TNFSF8: variants seen among roughly 807,000 people sequenced by gnomAD.
TNFSF8 encodes the protein tumor necrosis factor ligand superfamily member 8.
A neutral mutation model predicts 22.0 loss-of-function variants in TNFSF8; 4 were observed. The ratio of observed to expected loss-of-function variants is 0.18; its 90% CI spans 0.09 to 0.42. The LOEUF (loss-of-function observed/expected upper bound fraction) is 0.42, where lower values mean the gene tolerates loss of function less well. Ranked by LOEUF, TNFSF8 falls within the 10% of genes least tolerant of loss-of-function variation. TNFSF8 has a pLI of 1.00. For synonymous variants in TNFSF8, 106 were observed against 112.5 expected, an observed-to-expected ratio of 0.94 and a Z score of 0.37; for missense variants, 233 against 281.8, an observed-to-expected ratio of 0.83 and a Z score of 1.24.
chr9:114,918,066 A>G (rs1422174174), intron 2 of TNFSF8, 30 bp downstream of exon 2: 1 of 1,582,250 alleles, frequency 6.3e-7, no homozygotes, highest in Non-Finnish European at 8.6e-7. Context: ...ATGACTTACT[A>G]CACATTTACA....
chr9:114,918,511 A>G (rs886449555), intron 1 of TNFSF8, among the ~76,000 whole-genome samples: 2 of 150,766 alleles, frequency 1.3e-5, no homozygotes, highest in African/African-American at 4.9e-5. Context: ...GTGCAGTGGT[A>G]TGATCATGGG....
chr9:114,916,903 A>T (rs955182138), intron 2 of TNFSF8, among the ~76,000 whole-genome samples: 2 of 152,208 alleles, frequency 1.3e-5, no homozygotes, highest in Non-Finnish European at 2.9e-5. Flanking sequence ...TTTTAATATT[A>T]ATGTGACTGT....
intron 2 of TNFSF8, among the ~76,000 whole-genome samples, chr9:114,907,929 G>C (rs906554595): frequency 6.6e-6 from 1 of 152,186 alleles, no homozygotes; most frequent in African/African-American, 2.4e-5. Context: ...CCAAACTCAG[G>C]CTGCCTGACC....
At chr9:114,919,292 T>C (rs1296072788) in intron 1 of TNFSF8, among the ~76,000 whole-genome samples, 1 of 152,096 alleles carries the variant, frequency 6.6e-6, no homozygotes, top group Non-Finnish European at 1.5e-5. Context: ...ATATTATTTA[T>C]TCTGTAATAA....
chr9:114,893,427 T>A (rs10435870), exon 5 of TNFSF8: 14,835 of 152,686 alleles, frequency 0.097, 852 homozygotes, highest in Admixed American at 0.16. Context: ...AGTATAGTTC[T>A]AGACAAGAAA....
At chr9:114,898,852 C>A (rs766756754), downstream of TNFSF8, among the ~76,000 whole-genome samples, 3 of 152,122 alleles carry the variant, frequency 2.0e-5, no homozygotes. Context: ...CTCCTAGGAA[C>A]TGGGCTGCTA....
chr9:114,905,647 C>T (rs899832982), intron 3 of TNFSF8, among the ~76,000 whole-genome samples, 181 bp downstream of exon 3: 5 of 152,204 alleles, frequency 3.3e-5, no homozygotes, highest in Non-Finnish European at 7.3e-5. Flanking sequence ...TGGAGAATGA[C>T]GCTCTCCCCG....
intron 2 of TNFSF8, among the ~76,000 whole-genome samples, chr9:114,914,261 A>G (rs10982449): frequency 0.36 from 54,815 of 152,080 alleles, 10,418 homozygotes; most frequent in Admixed American, 0.45. Flanking sequence ...GAGGGACCTA[A>G]TATTCAATTC....
downstream of TNFSF8, among the ~76,000 whole-genome samples, chr9:114,898,237 C>T (rs1827677396): frequency 6.6e-6 from 1 of 152,124 alleles, no homozygotes; most frequent in Non-Finnish European, 1.5e-5. Flanking sequence ...CTCCTGATCT[C>T]ATGATCCGCC....
rs6478120 is a variant in TNFSF8, at chr9:114,929,893, A to T, written c.195+216T>A. Among the ~76,000 whole-genome samples, 83 of 140,848 alleles carry T rather than the reference A, an allele frequency of 5.9e-4. No homozygotes were observed. The East Asian group carries it at 9.3e-3, about 16-fold the overall frequency. 92.4% of individuals were successfully genotyped at this position (140,848 alleles called of 152,430 possible). On this transcript the variant is annotated intron_variant, in intron 1 of 3. Coordinates refer to ENST00000223795, the MANE Select transcript of TNFSF8 (RefSeq NM_001244.4). ...CTTTCTCATATATATATATATATATAATATATACTGTATAATATAATATAT... is the reference window on the plus strand; with the variant it reads ...CTTTCTCATATATATATATATATATTATATATACTGTATAATATAATATAT...
downstream of TNFSF8, chr9:114,901,058 G>A (rs897775372): frequency 7.1e-6 from 7 of 985,012 alleles, no homozygotes; most frequent in African/African-American, 1.2e-4. Context: ...TGTGTGTGGT[G>A]GGGAGGTGGG....
downstream of TNFSF8, among the ~76,000 whole-genome samples, chr9:114,899,708 C>T (rs1458833058): frequency 6.6e-6 from 1 of 152,200 alleles, no homozygotes; most frequent in Admixed American, 6.5e-5. Flanking sequence ...GGATTGTAAA[C>T]TGACCTGGCA....
At chr9:114,910,494 C>T (rs1827839809) in intron 2 of TNFSF8, among the ~76,000 whole-genome samples, 1 of 152,160 alleles carries the variant, frequency 6.6e-6, no homozygotes, top group South Asian at 2.1e-4. Context: ...ATCCAGGGCT[C>T]TTCTCTGACT....
chr9:114,922,956 TA>T (rs1263049889), intron 1 of TNFSF8, among the ~76,000 whole-genome samples: 1 of 152,086 alleles, frequency 6.6e-6, no homozygotes, highest in Non-Finnish European at 1.5e-5. Context: ...AGCAAAGTCT[TA>T]AATACACTAC....
chr9:114,900,367 A>G (rs558900048), downstream of TNFSF8, among the ~76,000 whole-genome samples: 3 of 152,334 alleles, frequency 2.0e-5, no homozygotes, highest in African/African-American at 7.2e-5. Context: ...GCTTGATGGA[A>G]GTCCCATTGG....
chr9:114,908,696 G>T (rs575681771), intron 2 of TNFSF8, among the ~76,000 whole-genome samples: 2 of 152,258 alleles, frequency 1.3e-5, no homozygotes, highest in South Asian at 4.1e-4. Flanking sequence ...AAGTCAAATG[G>T]CATGGTATAT....
chr9:114,896,386 A>G (rs1306715399), downstream of TNFSF8, among the ~76,000 whole-genome samples: 1 of 152,180 alleles, frequency 6.6e-6, no homozygotes, highest in African/African-American at 2.4e-5. Flanking sequence ...AAATCCAGAG[A>G]TTCTAATTTA....
chr9:114,896,712 A>C (rs1169253556), downstream of TNFSF8, among the ~76,000 whole-genome samples: 2 of 152,188 alleles, frequency 1.3e-5, no homozygotes, highest in Non-Finnish European at 2.9e-5. Flanking sequence ...GATATCTCAG[A>C]GATAGGAAGG....
At chr9:114,906,314 G>T (rs1435902927) in intron 2 of TNFSF8, among the ~76,000 whole-genome samples, 2 of 152,196 alleles carry the variant, frequency 1.3e-5, no homozygotes, top group African/African-American at 4.8e-5. Flanking sequence ...ATTGTTTCGT[G>T]GTGCCTTGCC....
Sources: gnomAD v4.1 joint callset for allele counts (sites outside exome capture counted in the v4.1 genomes callset) on GRCh38, gnomAD v4.1.1 for gene constraint, MANE v1.5 for transcripts, NCBI Gene and HGNC (gene_info 2026-07-23, HGNC 2026-07-21) for gene names.